PKHD1: variants seen among roughly 807,000 people sequenced by gnomAD.
PKHD1 encodes the protein fibrocystin.
In PKHD1, 291 loss-of-function variants were observed where a neutral mutation model predicts 412.0. That is an observed-to-expected ratio of 0.71 (90% CI 0.64 to 0.78). The LOEUF is 0.78. Ranked by LOEUF, PKHD1 falls within the 30% of genes least tolerant of loss-of-function variation. PKHD1 has a pLI of 0.00. For synonymous variants in PKHD1, 1,777 were observed against 1,821.5 expected (o/e 0.98, Z 0.62); for missense variants, 4,825 against 4,950.7 (o/e 0.97, Z 0.76).
At chr6:51,980,431 T>C (rs1047210960) in intron 35 of PKHD1, among the ~76,000 whole-genome samples, 7 of 152,254 alleles carry the variant, frequency 4.6e-5, no homozygotes, top group Admixed American at 1.3e-4. Flanking sequence ...TTCTCTTAAG[T>C]TAAATATTCT....
intron 57 of PKHD1, among the ~76,000 whole-genome samples, chr6:51,752,726 A>C (rs766238960): frequency 1.3e-5 from 2 of 152,228 alleles, no homozygotes; most frequent in Non-Finnish European, 2.9e-5. Flanking sequence ...CAGCATTCCA[A>C]AAGGGCTAAA....
chr6:51,920,611 G>A (rs1784542232), intron 37 of PKHD1, among the ~76,000 whole-genome samples: 1 of 152,130 alleles, frequency 6.6e-6, no homozygotes. Flanking sequence ...TCTCTGCCAG[G>A]CTTTGGTATC....
At chr6:52,087,086 T>C (rs113893239) in intron 1 of PKHD1, among the ~76,000 whole-genome samples, 2 of 152,364 alleles carry the variant, frequency 1.3e-5, no homozygotes, top group African/African-American at 4.8e-5. Context: ...ATCTTTTTCA[T>C]GTCAATTATA....
chr6:51,747,977 G>A lies in PKHD1; in HGVS notation c.9639C>T (p.Asp3213=). Residue 3213 remains aspartate (D), a synonymous_variant, in exon 58 of 67, where the codon GAC becomes GAT. Coordinates refer to ENST00000371117, the MANE Select transcript of PKHD1 (RefSeq NM_138694.4). ...GCGGCTTCACTTTGTCCTGAATGCA[G>A]TCAAAAGAAGAGCTGGTGGCCACAA... The part of the protein sequence containing the change: ...SVIVATSSSF[D]CIQDKVKPHS... 10 of 1,614,074 alleles carry A rather than the reference G, an allele frequency of 6.2e-6. No individual in the cohort carries two copies. Among genetic ancestry groups the A allele is most frequent in the Non-Finnish European group, 8.5e-6 (10 of 1,179,978 alleles).
At chr6:52,052,262 G>C (rs1340032975) in intron 21 of PKHD1, among the ~76,000 whole-genome samples, 4 of 152,196 alleles carry the variant, frequency 2.6e-5, no homozygotes, top group African/African-American at 9.7e-5. Context: ...TGAAGACACT[G>C]AGGGCAAACT....
In PKHD1 at chr6:52,050,649, C is replaced by T. The variant is rs78026602; in HGVS notation, c.2141-354G>A. ...CCACCCTTTCCTCCTTTCCTTCCCA[C>T]AGCCCCTGGCAACTCTAGGGATGTT... On this transcript the variant is annotated intron_variant, in intron 21 of 66. Coordinates refer to ENST00000371117, the MANE Select transcript of PKHD1 (RefSeq NM_138694.4). Among the ~76,000 whole-genome samples the T allele has an allele frequency of 7.0e-4, 106 of 152,310 alleles. 1 individual carries two copies. In the East Asian group the frequency reaches 0.017, roughly 24 times the overall value.
Position 51,659,953 on chromosome 6 carries a change from T to C in PKHD1, c.10173A>G (p.Glu3391=), listed in dbSNP as rs776040569. Residue 3391 remains glutamate, a synonymous_variant, in exon 61 of 67, where the codon GAA becomes GAG. Transcript: ENST00000371117. The part of the protein sequence containing the change: ...SFFNAGTFRE[E]QKCTYQFLMQ... ...TCAGAAATTGGTATGTACATTTCTG[T>C]TCTTCTCTAAATGTACCTATAAAAG... The C allele has an allele frequency of 4.4e-6, 7 of 1,602,872 alleles. No individual in the cohort carries two copies. The South Asian group carries it at 7.7e-5, about 18-fold the overall frequency.
At chr6:51,668,728 C>T (rs1026431957) in intron 60 of PKHD1, among the ~76,000 whole-genome samples, 8 of 152,098 alleles carry the variant, frequency 5.3e-5, no homozygotes, top group Non-Finnish European at 8.8e-5. Context: ...CCATCAATAC[C>T]TAATTTATTG....
At chr6:51,671,710 G>A (rs532533533) in intron 60 of PKHD1, among the ~76,000 whole-genome samples, 9 of 152,268 alleles carry the variant, frequency 5.9e-5, no homozygotes, top group South Asian at 2.1e-4. Context: ...TGATGGTGAT[G>A]TACAGATGAG....
rs1000959866 is a variant in PKHD1 at position 52,035,783 on chromosome 6, T to C, written c.3098-62A>G. On this transcript the variant is annotated intron_variant, in intron 27 of 66. Transcript: ENST00000371117. ...ACCATACAGGCAGACAAAAATTAAT[T>C]ATGCACAAGATGGATAAAATGAAAT... The C allele has an allele frequency of 1.0e-5, 15 of 1,480,946 alleles. No individual in the cohort carries two copies. In the African/African-American group the frequency reaches 1.8e-4, roughly 18 times the overall value. 91.7% of individuals were successfully genotyped at this position (1,480,946 alleles called of 1,614,324 possible). A position where few individuals can be genotyped will look rare whatever the true frequency, so the allele number is the denominator to read the frequency against.
At chr6:52,050,720 G>A (rs574969397) in intron 21 of PKHD1, among the ~76,000 whole-genome samples, 2 of 152,296 alleles carry the variant, frequency 1.3e-5, no homozygotes, top group Admixed American at 6.5e-5. Context: ...ATACACAGGG[G>A]CACTTGGGTG....
At chr6:51,711,420 A>T (rs148555230) in intron 60 of PKHD1, among the ~76,000 whole-genome samples, 1 of 152,300 alleles carries the variant, frequency 6.6e-6, no homozygotes, top group African/African-American at 2.4e-5. Flanking sequence ...ACCAGCTGAA[A>T]TCATCTTGTC....
intron 50 of PKHD1, 21 bp downstream of exon 50, chr6:51,847,754 T>C (rs1251917126): frequency 3.9e-6 from 6 of 1,534,772 alleles, no homozygotes; most frequent in Non-Finnish European, 5.4e-6. Context: ...TCTCAAAACA[T>C]TCATCCAATT....
chr6:52,012,186 T>C (rs550952540), intron 34 of PKHD1, among the ~76,000 whole-genome samples: 30 of 152,206 alleles, frequency 2.0e-4, no homozygotes, highest in African/African-American at 7.0e-4. Flanking sequence ...TAAAATGGAG[T>C]TGCCAATAAT....
intron 49 of PKHD1, among the ~76,000 whole-genome samples, chr6:51,854,859 G>C (rs1030847836): frequency 1.3e-5 from 2 of 152,252 alleles, no homozygotes; most frequent in African/African-American, 4.8e-5. Flanking sequence ...TAGCATGTTA[G>C]GCAGTTGCAA....
At chr6:51,932,160 A>G (rs1786722539) in intron 37 of PKHD1, among the ~76,000 whole-genome samples, 1 of 152,236 alleles carries the variant, frequency 6.6e-6, no homozygotes, top group South Asian at 2.1e-4. Context: ...GAATTGCCCC[A>G]TATTGACTGT....
intron 27 of PKHD1, 89 bp downstream of exon 27, chr6:52,042,770 G>T: frequency 8.7e-7 from 1 of 1,151,122 alleles, no homozygotes; most frequent in Non-Finnish European, 1.3e-6. Context: ...AGTGAATATG[G>T]AATTCATTAC....
chr6:51,711,301 C>T (rs1389058477), intron 60 of PKHD1, among the ~76,000 whole-genome samples: 1 of 152,128 alleles, frequency 6.6e-6, no homozygotes, highest in African/African-American at 2.4e-5. Context: ...AATGCAGTCC[C>T]CCACTCCTGT....
At chr6:51,912,634 T>A in intron 37 of PKHD1, 58 bp from the exon 38 acceptor site, 1 of 1,127,260 alleles carries the variant, frequency 8.9e-7, no homozygotes, top group Non-Finnish European at 1.4e-6. Flanking sequence ...AAAACGTGAT[T>A]AATTTAATCA....
Sources: allele counts gnomAD v4.1 joint callset (sites outside exome capture counted in the v4.1 genomes callset), GRCh38; gene constraint gnomAD v4.1.1; transcripts MANE v1.5; gene names NCBI Gene and HGNC (gene_info 2026-07-23, HGNC 2026-07-21).